The following AIM2 variants were observed in gnomAD, a reference collection of about 807,000 sequenced individuals.
AIM2 encodes interferon-inducible protein AIM2.
Under a neutral mutation model 27.7 loss-of-function variants are expected in AIM2, and 30 were observed. That is an observed-to-expected ratio of 1.08 (90% confidence interval 0.81 to 1.47). The LOEUF is 1.47. Ranked by LOEUF, AIM2 falls within the 40% of genes most tolerant of loss-of-function variation. The pLI, the probability that AIM2 is intolerant of heterozygous loss-of-function variation, is 0.00. For missense variants in AIM2, 358 were observed against 411.3 expected, an observed-to-expected ratio of 0.87 and a Z score of 1.12; for synonymous variants, 141 against 145.3, an observed-to-expected ratio of 0.97 and a Z score of 0.21.
In AIM2 at chr1:159,088,903, C is replaced by T. The variant is rs140136605; in HGVS notation, c.-15-22574G>A. ...GAACTGTAAAAAATACATTTTGTTT[C>T]TTTATAAATTACCCAGTTTCAGGTA... On this transcript the variant is annotated intron_variant, in intron 1 of 2. Transcript: ENST00000368129. Among the ~76,000 whole-genome samples the T allele has an allele frequency of 2.6e-5, 4 of 152,304 alleles. 1 individual carries two copies. Among genetic ancestry groups the T allele is most frequent in the South Asian group, 4.1e-4 (2 of 4,826 alleles).
At chr1:159,146,585 C>A (rs994720490) in intron 1 of AIM2, among the ~76,000 whole-genome samples, 2 of 152,142 alleles carry the variant, frequency 1.3e-5, no homozygotes, top group Non-Finnish European at 2.9e-5. Flanking sequence ...TAATACTTTA[C>A]TGTGTAATCT....
At chr1:159,099,116 G>C (rs1353875466) in intron 1 of AIM2, among the ~76,000 whole-genome samples, 3 of 152,030 alleles carry the variant, frequency 2.0e-5, no homozygotes, top group Non-Finnish European at 2.9e-5. Context: ...TTAAGAGTAT[G>C]GCAAGGGTTA....
intron 1 of AIM2, among the ~76,000 whole-genome samples, chr1:159,129,148 G>C (rs1204768384): frequency 6.6e-6 from 1 of 152,198 alleles, no homozygotes; most frequent in African/African-American, 2.4e-5. Flanking sequence ...GAAATGCAGA[G>C]AGAGATCTGA....
chr1:159,132,008 A>G (rs541673054), intron 1 of AIM2, among the ~76,000 whole-genome samples: 1 of 152,208 alleles, frequency 6.6e-6, no homozygotes, highest in South Asian at 2.1e-4. Flanking sequence ...ATAGTATCTG[A>G]AAAACATGAA....
intron 1 of AIM2, among the ~76,000 whole-genome samples, chr1:159,098,287 A>G (rs565210353): frequency 3.5e-4 from 53 of 152,318 alleles, no homozygotes; most frequent in African/African-American, 1.2e-3. Flanking sequence ...GCTGGCCCTG[A>G]GAAATACAAC....
At position 159,065,906 on chromosome 1, in the gene AIM2, T is replaced by C; in HGVS notation, c.816+4A>G. On this transcript the variant is annotated splice_donor_region_variant and intron_variant, in intron 4 of 5. Coordinates refer to ENST00000368130, the MANE Select transcript of AIM2 (RefSeq NM_004833.3). Reference sequence around the variant, plus strand: ...TCAATATGAAATTAGATATGAAAACTTACCTTCTGGACTACAAACAAACCA... The same window carrying C: ...TCAATATGAAATTAGATATGAAAACCTACCTTCTGGACTACAAACAAACCA... The C allele has an allele frequency of 1.3e-6, 2 of 1,582,846 alleles. No homozygotes were observed. The highest frequency in any genetic ancestry group is 1.7e-6 in the Non-Finnish European group (2 of 1,166,808).
intron 1 of AIM2, among the ~76,000 whole-genome samples, chr1:159,124,154 C>A (rs529818319): frequency 3.6e-4 from 55 of 152,222 alleles, no homozygotes; most frequent in African/African-American, 1.3e-3. Flanking sequence ...CCTAATATTT[C>A]TGCTCATTGC....
At chr1:159,074,639 A>G (rs1264539788) in intron 1 of AIM2, among the ~76,000 whole-genome samples, 1 of 152,124 alleles carries the variant, frequency 6.6e-6, no homozygotes, top group Non-Finnish European at 1.5e-5. Flanking sequence ...ACAGTTTATA[A>G]CTATAAGATT....
chr1:159,066,388 C>G, intron 3 of AIM2, 59 bp from the exon 4 acceptor site: 4 of 1,518,562 alleles, frequency 2.6e-6, no homozygotes, highest in East Asian at 2.3e-5. Flanking sequence ...TTGAAAGGAC[C>G]TTACTTCACC....
downstream of AIM2, among the ~76,000 whole-genome samples, chr1:159,057,956 G>A (rs1014978601): frequency 3.9e-5 from 6 of 152,296 alleles, no homozygotes; most frequent in Admixed American, 2.0e-4. Flanking sequence ...ACCTTTTAAA[G>A]CCAAGCCCAG....
intron 1 of AIM2, among the ~76,000 whole-genome samples, chr1:159,128,815 TTAA>T (rs1647790613): frequency 6.6e-6 from 1 of 152,170 alleles, no homozygotes; most frequent in Non-Finnish European, 1.5e-5. Flanking sequence ...TCTTCATATT[TTAA>T]TAATGATACT....
intron 1 of AIM2, among the ~76,000 whole-genome samples, chr1:159,111,831 CATCTATCTATCTATCTATCTATCTATCT>C (rs55915998): frequency 3.3e-4 from 46 of 137,664 alleles, no homozygotes; most frequent in African/African-American, 1.2e-3. Context: ...ATCTATCTAT[CATCTATCTATCTATCTATCTATCTATCT>C]ATCTATCTAT....
chr1:159,104,989 C>T (rs1049791309), intron 1 of AIM2, among the ~76,000 whole-genome samples: 14 of 152,214 alleles, frequency 9.2e-5, no homozygotes, highest in Non-Finnish European at 1.0e-4. Context: ...TCCAGTGGCA[C>T]CTTTGCCTGA....
chr1:159,094,109 G>A (rs1016789148), intron 1 of AIM2, among the ~76,000 whole-genome samples: 6 of 152,142 alleles, frequency 3.9e-5, no homozygotes, highest in Non-Finnish European at 5.9e-5. Context: ...ATGAAAAGCA[G>A]AGAGATAATA....
At chr1:159,103,117 T>C (rs1188756058) in intron 1 of AIM2, among the ~76,000 whole-genome samples, 3 of 152,168 alleles carry the variant, frequency 2.0e-5, no homozygotes, top group African/African-American at 7.2e-5. Context: ...GTTTCCCCCA[T>C]GCTGTTGTCA....
At chr1:159,111,937 G>C (rs1281775825) in intron 1 of AIM2, among the ~76,000 whole-genome samples, 3 of 151,750 alleles carry the variant, frequency 2.0e-5, no homozygotes, top group African/African-American at 7.3e-5. Context: ...AGCCACTTGG[G>C]AATTTGAGGC....
At chr1:159,055,232 G>T in the AIM2 span, 1 of 170,866 alleles carries the variant, frequency 5.9e-6, no homozygotes, top group Non-Finnish European at 1.2e-5. Flanking sequence ...AATCAGGGTG[G>T]GGCACACAGG....
At chr1:159,114,251 C>A (rs922397638) in intron 1 of AIM2, among the ~76,000 whole-genome samples, 1 of 152,046 alleles carries the variant, frequency 6.6e-6, no homozygotes, top group South Asian at 2.1e-4. Context: ...CAACAGAATG[C>A]AAATAAGGGG....
At chr1:159,090,017 A>T (rs537497882) in intron 1 of AIM2, among the ~76,000 whole-genome samples, 1 of 152,186 alleles carries the variant, frequency 6.6e-6, no homozygotes, top group Non-Finnish European at 1.5e-5. Flanking sequence ...CCATGGAGAA[A>T]GCCTGAAGCC....
Sources: gnomAD v4.1 joint callset for allele counts (sites outside exome capture counted in the v4.1 genomes callset) on GRCh38, gnomAD v4.1.1 for gene constraint, MANE v1.5 for transcripts, NCBI Gene and HGNC (gene_info 2026-07-23, HGNC 2026-07-21) for gene names.